The following CHST11 variants were observed in gnomAD, a reference collection of about 807,000 sequenced individuals.
CHST11 encodes C4S-1.
In CHST11, 9 loss-of-function variants were observed where a neutral mutation model predicts 30.4. The observed-to-expected ratio is 0.30, with a 90% CI of 0.18 to 0.52. CHST11 has a LOEUF of 0.52. Ranked by LOEUF, CHST11 falls within the 20% of genes least tolerant of loss-of-function variation. The pLI is 0.97. For missense variants in CHST11, 348 were observed against 460.6 expected (o/e 0.76, Z 2.24); for synonymous variants, 152 against 187.8 (o/e 0.81, Z 1.56).
At chr12:104,583,965 G>A (rs1182537513) in intron 1 of CHST11, among the ~76,000 whole-genome samples, 6 of 152,008 alleles carry the variant, frequency 3.9e-5, no homozygotes, top group East Asian at 1.9e-4. Flanking sequence ...CGCCCTCCTC[G>A]GCCTCCCAAA....
intron 1 of CHST11, among the ~76,000 whole-genome samples, chr12:104,544,979 G>A (rs925465323): frequency 1.5e-4 from 23 of 152,030 alleles, no homozygotes; most frequent in African/African-American, 5.1e-4. Context: ...ACAGGGCAGC[G>A]TCCTTGTTCT....
At chr12:104,681,825 C>CTTTTTTTTT (rs149441295) in intron 2 of CHST11, among the ~76,000 whole-genome samples, 11 of 85,086 alleles carry the variant, frequency 1.3e-4, no homozygotes, top group Admixed American at 1.6e-4. Context: ...GTCTGTTTTG[C>CTTTTTTTTT]TTTTTTTTTT....
chr12:104,538,453 G>A (rs1446789947), intron 1 of CHST11, among the ~76,000 whole-genome samples: 1 of 152,150 alleles, frequency 6.6e-6, no homozygotes, highest in African/African-American at 2.4e-5. Flanking sequence ...GAGTTTTTCC[G>A]AGGTAAAATT....
intron 1 of CHST11, among the ~76,000 whole-genome samples, chr12:104,500,181 C>A (rs1457663364): frequency 1.3e-5 from 2 of 152,176 alleles, no homozygotes; most frequent in Non-Finnish European, 2.9e-5. Flanking sequence ...TGCTCTTGGG[C>A]TTTTTCCTGT....
chr12:104,705,471 T>C (rs1334675824), intron 2 of CHST11, among the ~76,000 whole-genome samples: 1 of 152,172 alleles, frequency 6.6e-6, no homozygotes, highest in Non-Finnish European at 1.5e-5. Context: ...GCAACAGCTA[T>C]TTTTTGGAGC....
rs116262075 is a variant in CHST11 at position 104,524,834 on chromosome 12, T to C, written c.118+67305T>C. On this transcript the variant is annotated intron_variant, in intron 1 of 2. Transcript: ENST00000303694. ...ACAGGATGTTTTCCTAAATTTTAAGTCAAATTCTTCCTTGACACATACCTA... is the reference window on the plus strand; with the variant it reads ...ACAGGATGTTTTCCTAAATTTTAAGCCAAATTCTTCCTTGACACATACCTA... Among the ~76,000 whole-genome samples the C allele has an allele frequency of 6.5e-3, 997 of 152,312 alleles. 10 individuals carry two copies. Among genetic ancestry groups the C allele is most frequent in the African/African-American group, 0.023 (943 of 41,560 alleles).
chr12:104,730,806 A>G (rs1351107007), intron 2 of CHST11, among the ~76,000 whole-genome samples: 1 of 152,150 alleles, frequency 6.6e-6, no homozygotes, highest in African/African-American at 2.4e-5. Context: ...GCCAGGTTGA[A>G]TCCAAGGCCA....
At chr12:104,660,802 T>C (rs915156823) in intron 2 of CHST11, among the ~76,000 whole-genome samples, 1 of 152,188 alleles carries the variant, frequency 6.6e-6, no homozygotes, top group East Asian at 1.9e-4. Flanking sequence ...CCTGCAATCT[T>C]GATCAATCCC....
At chr12:104,688,380 C>T (rs2039867979) in intron 2 of CHST11, among the ~76,000 whole-genome samples, 1 of 151,936 alleles carries the variant, frequency 6.6e-6, no homozygotes, top group Non-Finnish European at 1.5e-5. Flanking sequence ...AAGACCGAGG[C>T]AAGGAGAAGT....
At chr12:104,549,143 T>C (rs1366161521) in intron 1 of CHST11, among the ~76,000 whole-genome samples, 2 of 152,226 alleles carry the variant, frequency 1.3e-5, no homozygotes, top group Non-Finnish European at 2.9e-5. Context: ...GAGCCTCCTG[T>C]GTGCAGATTC....
chr12:104,742,108 A>G (rs3850769), intron 2 of CHST11, among the ~76,000 whole-genome samples: 2 of 152,176 alleles, frequency 1.3e-5, no homozygotes, highest in Admixed American at 1.3e-4. Context: ...GTGGGCTCTC[A>G]TCTAATCCTC....
intron 2 of CHST11, among the ~76,000 whole-genome samples, chr12:104,731,765 C>T (rs2040260377): frequency 6.6e-6 from 1 of 152,266 alleles, no homozygotes; most frequent in Admixed American, 6.5e-5. Context: ...TTTTAGTTCC[C>T]TTCCTTCCCT....
chr12:104,713,965 C>G (rs1184488216), intron 2 of CHST11, among the ~76,000 whole-genome samples: 1 of 152,194 alleles, frequency 6.6e-6, no homozygotes, highest in Non-Finnish European at 1.5e-5. Flanking sequence ...GTTCTCCAAC[C>G]TGGAAGCAGC....
intron 1 of CHST11, among the ~76,000 whole-genome samples, chr12:104,548,417 G>A (rs1565983025): frequency 6.6e-6 from 1 of 152,182 alleles, no homozygotes; most frequent in Non-Finnish European, 1.5e-5. Flanking sequence ...GCTCAGTGTT[G>A]GGAAGAGATG....
chr12:104,472,508 A>G (rs75411413), intron 1 of CHST11, among the ~76,000 whole-genome samples: 242 of 152,292 alleles, frequency 1.6e-3, no homozygotes, highest in African/African-American at 5.5e-3. Context: ...AGATCTTGAC[A>G]CAGTCTGCCA....
At chr12:104,696,944 A>T (rs2039952609) in intron 2 of CHST11, among the ~76,000 whole-genome samples, 1 of 152,182 alleles carries the variant, frequency 6.6e-6, no homozygotes, top group East Asian at 1.9e-4. Flanking sequence ...AGCCCTGTGG[A>T]TCCCTCAGTC....
At chr12:104,635,441 G>C (rs948935600) in intron 2 of CHST11, among the ~76,000 whole-genome samples, 1 of 152,316 alleles carries the variant, frequency 6.6e-6, no homozygotes, top group East Asian at 1.9e-4. Context: ...TGTAATTGCC[G>C]GTTGTCTTAC....
chr12:104,624,901 C>T (rs1408807228), intron 2 of CHST11, among the ~76,000 whole-genome samples: 2 of 152,202 alleles, frequency 1.3e-5, no homozygotes, highest in African/African-American at 2.4e-5. Flanking sequence ...CATGGTCTTT[C>T]CACGGTGCCC....
At chr12:104,565,288 AC>A (rs1444786561) in intron 1 of CHST11, among the ~76,000 whole-genome samples, 2 of 106,256 alleles carry the variant, frequency 1.9e-5, no homozygotes, top group African/African-American at 8.5e-5. Context: ...TTTTTTGGAG[AC>A]AGTGTCTCAT....
Sources: allele counts gnomAD v4.1 joint callset (sites outside exome capture counted in the v4.1 genomes callset), GRCh38; gene constraint gnomAD v4.1.1; transcripts MANE v1.5; gene names NCBI Gene and HGNC (gene_info 2026-07-23, HGNC 2026-07-21).